CSRNP3: variants seen among roughly 807,000 people sequenced by gnomAD.
The protein encoded by CSRNP3 is cysteine/serine-rich nuclear protein 3.
In CSRNP3, 12 loss-of-function variants were observed where a neutral mutation model predicts 48.0. That is an observed-to-expected ratio of 0.25 (90% CI 0.16 to 0.41). The LOEUF (loss-of-function observed/expected upper bound fraction) is 0.41, where lower values mean the gene tolerates loss of function less well. Ranked by LOEUF, CSRNP3 falls within the 10% of genes least tolerant of loss-of-function variation. The pLI is 1.00. For synonymous variants in CSRNP3, 263 were observed against 269.7 expected (o/e 0.98, Z 0.24); for missense variants, 580 against 724.4 (o/e 0.80, Z 2.29).
At chr2:165,618,699 A>G (rs1686290918) in intron 4 of CSRNP3, among the ~76,000 whole-genome samples, 1 of 152,204 alleles carries the variant, frequency 6.6e-6, no homozygotes, top group Non-Finnish European at 1.5e-5. Flanking sequence ...AGCAAATCAT[A>G]TATGTGGAAG....
intron 3 of CSRNP3, among the ~76,000 whole-genome samples, chr2:165,550,027 A>T (rs1028630985): frequency 6.6e-6 from 1 of 152,164 alleles, no homozygotes; most frequent in Non-Finnish European, 1.5e-5. Flanking sequence ...TACATGTAGG[A>T]CCTTGAATAT....
chr2:165,522,588 G>T (rs1416085862), intron 3 of CSRNP3, among the ~76,000 whole-genome samples: 1 of 151,906 alleles, frequency 6.6e-6, no homozygotes, highest in Non-Finnish European at 1.5e-5. Context: ...AATCATTGGG[G>T]TGATTACATT....
At chr2:165,659,004 G>C (rs979402078) in intron 5 of CSRNP3, among the ~76,000 whole-genome samples, 2 of 152,178 alleles carry the variant, frequency 1.3e-5, no homozygotes, top group Non-Finnish European at 2.9e-5. Context: ...ATGAAGTAAC[G>C]TGAAGGAGGC....
chr2:165,688,522 G>A lies in CSRNP3; in HGVS notation c.*8769G>A, dbSNP rs907065397. 1 of 152,082 alleles carries A rather than the reference G, an allele frequency of 6.6e-6. No individual in the cohort carries two copies. The highest frequency in any genetic ancestry group is 1.5e-5 in the Non-Finnish European group (1 of 68,030). The allele number at this position is 152,082 out of a possible 1,614,324, so 9.4% of individuals were successfully genotyped here. A position where few individuals can be genotyped will look rare whatever the true frequency, so the allele number is the denominator to read the frequency against. ...CCCATTTTAAAAATATGTATAATTG[G>A]TTGCATAGACATATGTCACTTTTTG... On this transcript the variant is annotated 3_prime_UTR_variant, in exon 7 of 7. Coordinates refer to ENST00000651982, the MANE Select transcript of CSRNP3 (RefSeq NM_001172173.2).
At chr2:165,603,056 C>T (rs528223010) in intron 4 of CSRNP3, among the ~76,000 whole-genome samples, 54 of 152,106 alleles carry the variant, frequency 3.6e-4, no homozygotes, top group Non-Finnish European at 6.3e-4. Flanking sequence ...CCATCGTGCC[C>T]GGCTAATTTT....
intron 3 of CSRNP3, among the ~76,000 whole-genome samples, chr2:165,546,138 C>G (rs944783058): frequency 6.6e-6 from 1 of 152,046 alleles, no homozygotes; most frequent in Non-Finnish European, 1.5e-5. Context: ...ACTCCATGCT[C>G]AATACCCTTC....
At chr2:165,649,233 G>C (rs957079994) in intron 4 of CSRNP3, among the ~76,000 whole-genome samples, 27 of 152,270 alleles carry the variant, frequency 1.8e-4, no homozygotes, top group African/African-American at 6.3e-4. Flanking sequence ...AGTCTTATAT[G>C]AGAGGGTTTT....
intron 1 of CSRNP3, among the ~76,000 whole-genome samples, chr2:165,471,893 A>G (rs1333156425): frequency 6.6e-6 from 1 of 151,978 alleles, no homozygotes; most frequent in African/African-American, 2.4e-5. Context: ...AACAGTTAAG[A>G]GGTTACTGTC....
chr2:165,681,778 T>A lies in CSRNP3; in HGVS notation c.*2025T>A, dbSNP rs573089625. On this transcript the variant is annotated 3_prime_UTR_variant, in exon 7 of 7. Transcript: ENST00000651982. ...ATATATATACACACACACACACACA[T>A]ACACATATATATACACATATATGTA... The A allele has an allele frequency of 1.6e-3, 193 of 118,328 alleles. 1 individual carries two copies. The highest frequency in any genetic ancestry group is 5.8e-3 in the African/African-American group (174 of 29,824). 7.3% of individuals were successfully genotyped at this position (118,328 alleles called of 1,614,324 possible). A position where few individuals can be genotyped will look rare whatever the true frequency, so the allele number is the denominator to read the frequency against.
chr2:165,504,196 C>A (rs1256327934), intron 2 of CSRNP3, among the ~76,000 whole-genome samples: 1 of 151,938 alleles, frequency 6.6e-6, no homozygotes, highest in African/African-American at 2.4e-5. Context: ...ATTTCAAATT[C>A]ACATAAAAAA....
At chr2:165,631,548 A>G (rs1686536834) in intron 4 of CSRNP3, among the ~76,000 whole-genome samples, 1 of 152,202 alleles carries the variant, frequency 6.6e-6, no homozygotes, top group Non-Finnish European at 1.5e-5. Context: ...CCTGCCTTTA[A>G]TGTACTGTGG....
intron 4 of CSRNP3, among the ~76,000 whole-genome samples, chr2:165,605,342 C>T (rs1460292042): frequency 6.6e-6 from 1 of 152,082 alleles, no homozygotes; most frequent in Non-Finnish European, 1.5e-5. Context: ...CCATGACTGA[C>T]TCCTCATATT....
In CSRNP3 at chr2:165,657,754, C is replaced by T. The variant is rs1687029164; in HGVS notation, c.149-7C>T. The T allele has an allele frequency of 1.2e-6, 2 of 1,611,922 alleles. No homozygotes were observed. The highest frequency in any genetic ancestry group is 1.7e-5 in the Admixed American group (1 of 59,964). On this transcript the variant is annotated splice_polypyrimidine_tract_variant and splice_region_variant and intron_variant, in intron 4 of 6. Transcript: ENST00000651982. The stretch of plus-strand genomic sequence containing the variant: ...AGTGTTCACAGGATTGTTTCTTTCT[C>T]TTTCAGCTTCCTCCATTCTCAAAAG...
At chr2:165,606,442 C>T (rs1451299839) in intron 4 of CSRNP3, among the ~76,000 whole-genome samples, 1 of 147,558 alleles carries the variant, frequency 6.8e-6, no homozygotes, top group African/African-American at 2.5e-5. Context: ...CAATTATGAA[C>T]AGCTGTGTAA....
intron 4 of CSRNP3, among the ~76,000 whole-genome samples, chr2:165,638,056 T>C (rs1686661198): frequency 6.6e-6 from 1 of 152,222 alleles, no homozygotes. Flanking sequence ...CCAATATATA[T>C]AGTACAAAAG....
Position 165,684,786 on chromosome 2 carries a change from G to A in CSRNP3, c.*5033G>A, listed in dbSNP as rs980625073. 1 of 152,034 alleles carries A rather than the reference G, an allele frequency of 6.6e-6. No individual in the cohort carries two copies. The highest frequency in any genetic ancestry group is 1.5e-5 in the Non-Finnish European group (1 of 67,980). 9.4% of individuals were successfully genotyped at this position (152,034 alleles called of 1,614,324 possible). A position where few individuals can be genotyped will look rare whatever the true frequency, so the allele number is the denominator to read the frequency against. On this transcript the variant is annotated 3_prime_UTR_variant, in exon 7 of 7. Coordinates refer to ENST00000651982, the MANE Select transcript of CSRNP3 (RefSeq NM_001172173.2). ...CCACTAGAATTATGGAAGTATCAGA[G>A]TGGAAGTGAGGACGCAATAAAAGCT... is the stretch of plus-strand genomic sequence containing the variant.
At chr2:165,507,843 G>A (rs921039826) in intron 2 of CSRNP3, among the ~76,000 whole-genome samples, 3 of 152,056 alleles carry the variant, frequency 2.0e-5, no homozygotes, top group Non-Finnish European at 2.9e-5. Context: ...GAAAAGATAC[G>A]GACATATTAT....
At chr2:165,652,967 A>T (rs920605110) in intron 4 of CSRNP3, among the ~76,000 whole-genome samples, 3 of 152,228 alleles carry the variant, frequency 2.0e-5, no homozygotes, top group Non-Finnish European at 2.9e-5. Flanking sequence ...AGTAGAGCTT[A>T]ATCTTCTTGG....
At chr2:165,567,180 A>G (rs1685308176) in intron 3 of CSRNP3, among the ~76,000 whole-genome samples, 1 of 151,996 alleles carries the variant, frequency 6.6e-6, no homozygotes, top group Admixed American at 6.6e-5. Context: ...ATTTTACTCC[A>G]TGTTTTATTT....
Sources: gnomAD v4.1 joint callset for allele counts (sites outside exome capture counted in the v4.1 genomes callset) on GRCh38, gnomAD v4.1.1 for gene constraint, MANE v1.5 for transcripts, NCBI Gene and HGNC (gene_info 2026-07-23, HGNC 2026-07-21) for gene names.